The following CLIC5 variants were observed in gnomAD, a reference collection of about 807,000 sequenced individuals.
The protein encoded by CLIC5 is chloride intracellular channel protein 5.
In CLIC5, 20 loss-of-function variants were observed where a neutral mutation model predicts 24.7. That is an observed-to-expected ratio of 0.81 (90% CI 0.57 to 1.18). The LOEUF is 1.18. CLIC5 is among the 50% of genes most tolerant of loss of function. The pLI is 0.00. For synonymous variants in CLIC5, 159 were observed against 135.6 expected (o/e 1.17, Z -1.20); for missense variants, 341 against 326.1 (o/e 1.05, Z -0.35).
chr6:46,038,086 C>A (rs528956768), intron 1 of CLIC5, among the ~76,000 whole-genome samples: 133 of 152,144 alleles, frequency 8.7e-4, no homozygotes, highest in Non-Finnish European at 1.6e-3. Context: ...TTGGCCCAGT[C>A]CCTCTGGTAG....
chr6:46,010,524 A>G (rs1413294774), intron 1 of CLIC5, among the ~76,000 whole-genome samples: 2 of 152,174 alleles, frequency 1.3e-5, no homozygotes, highest in African/African-American at 2.4e-5. Context: ...CTCAAAGGGA[A>G]CCAAGAATGA....
At chr6:45,927,831 ACTT>A (rs569955443) in intron 4 of CLIC5, among the ~76,000 whole-genome samples, 181 of 152,134 alleles carry the variant, frequency 1.2e-3, no homozygotes, top group Non-Finnish European at 1.8e-3. Flanking sequence ...ATGTTAATAA[ACTT>A]CTGCTTGTTT....
chr6:45,912,118 A>C, intron 5 of CLIC5: 1 of 986,390 alleles, frequency 1.0e-6, no homozygotes, highest in South Asian at 4.7e-5. Flanking sequence ...ATATGAAAAC[A>C]GTTAGCTCCC....
At chr6:46,127,929 C>T in the CLIC5 span, among the ~76,000 whole-genome samples, 505 of 152,226 alleles carry the variant, frequency 3.3e-3, 4 homozygotes, top group Non-Finnish European at 5.8e-3. Flanking sequence ...TTATATTTAC[C>T]ACTAAAGGAA....
chr6:46,071,623 A>G (rs757065328), intron 1 of CLIC5, among the ~76,000 whole-genome samples: 29 of 152,190 alleles, frequency 1.9e-4, no homozygotes, highest in Non-Finnish European at 3.8e-4. Context: ...GACCACTTAT[A>G]CACTGTTGAT....
upstream of CLIC5, among the ~76,000 whole-genome samples, chr6:46,018,492 A>G (rs1767083706): frequency 2.0e-5 from 3 of 151,960 alleles, no homozygotes; most frequent in Non-Finnish European, 4.4e-5. Flanking sequence ...TTCATGCTGC[A>G]AAAAAAATAA....
chr6:45,934,902 A>C (rs1411177743), intron 4 of CLIC5, among the ~76,000 whole-genome samples: 1 of 152,262 alleles, frequency 6.6e-6, no homozygotes, highest in Non-Finnish European at 1.5e-5. Flanking sequence ...AAAATAGAGC[A>C]TTCAAGATGC....
intron 4 of CLIC5, chr6:45,919,215 G>A: frequency 1.7e-6 from 1 of 605,070 alleles, no homozygotes; most frequent in Non-Finnish European, 2.1e-6. Context: ...GCCCCTCCTT[G>A]CTCTCCTTCC....
At chr6:45,919,161 AT>A (rs1359795206) in intron 4 of CLIC5, 1 of 943,466 alleles carries the variant, frequency 1.1e-6, no homozygotes, top group Non-Finnish European at 1.3e-6. Context: ...CCCCTAGAGA[AT>A]TCTGTCTCTT....
Position 45,899,759 on chromosome 6 carries a change from T to C in CLIC5, c.*3329A>G, listed in dbSNP as rs1373711979. 6.6e-6 allele frequency: 1 copy of C among 152,258 alleles called. No individual in the cohort carries two copies. Among genetic ancestry groups the C allele is most frequent in the African/African-American group, 2.4e-5 (1 of 41,456 alleles). The allele number at this position is 152,258 out of a possible 1,614,324, so 9.4% of individuals were successfully genotyped here. On this transcript the variant is annotated 3_prime_UTR_variant, in exon 6 of 6. Transcript: ENST00000339561. ...AAAGTCAGCCTGGGAAAACTCGCAC[T>C]TGGTGTGGCCTTTTTCTGATAAGAT...
Position 45,949,222 on chromosome 6 carries a change from C to G in CLIC5, c.299+34G>C, listed in dbSNP as rs190785265. 1,944 of 1,602,572 alleles carry G rather than the reference C, an allele frequency of 1.2e-3. 2 individuals are homozygous for G. Among genetic ancestry groups the G allele is most frequent in the Non-Finnish European group, 1.5e-3 (1,756 of 1,174,086 alleles). On this transcript the variant is annotated intron_variant, in intron 3 of 5. Coordinates refer to ENST00000339561, the MANE Select transcript of CLIC5 (RefSeq NM_016929.5). ...TTATAGATCCAGCATGAACCCTTCCCATTCAACAGCCCCAGAAAGAAACAG... is the reference window on the plus strand; with the variant it reads ...TTATAGATCCAGCATGAACCCTTCCGATTCAACAGCCCCAGAAAGAAACAG...
chr6:46,122,898 T>A, the CLIC5 span: 1 of 152,072 alleles, frequency 6.6e-6, no homozygotes, highest in Non-Finnish European at 1.5e-5. Flanking sequence ...TTGAATCTCT[T>A]AATAGACCAA....
chr6:45,985,517 C>A (rs977528216), intron 1 of CLIC5, among the ~76,000 whole-genome samples: 2 of 152,122 alleles, frequency 1.3e-5, no homozygotes, highest in African/African-American at 2.4e-5. Context: ...CCTTTCTTAG[C>A]AGCTGGGTTG....
At chr6:46,108,646 C>A in the CLIC5 span, among the ~76,000 whole-genome samples, 1 of 152,106 alleles carries the variant, frequency 6.6e-6, no homozygotes, top group South Asian at 2.1e-4. Context: ...GATCTACCAG[C>A]CTTGACCTCC....
chr6:45,975,746 G>A (rs2127408579), intron 1 of CLIC5, among the ~76,000 whole-genome samples: 1 of 152,272 alleles, frequency 6.6e-6, no homozygotes, highest in Admixed American at 6.5e-5. Flanking sequence ...TACAACTTGA[G>A]CCAAGTTAGC....
At chr6:45,934,357 A>AG (rs1763855160) in intron 4 of CLIC5, 1 of 152,144 alleles carries the variant, frequency 6.6e-6, no homozygotes, top group African/African-American at 2.4e-5. Context: ...TATAAATTTT[A>AG]AAATAGAAAG....
intron 4 of CLIC5, among the ~76,000 whole-genome samples, chr6:45,934,647 A>G (rs549125855): frequency 2.0e-5 from 3 of 152,376 alleles, no homozygotes; most frequent in Admixed American, 2.0e-4. Flanking sequence ...AGGAGGTTGG[A>G]TGGAAGGTGG....
chr6:46,078,253 G>A (rs756661637), intron 1 of CLIC5, among the ~76,000 whole-genome samples: 3 of 152,042 alleles, frequency 2.0e-5, no homozygotes, highest in African/African-American at 7.2e-5. Context: ...CCAGCTACTC[G>A]GGAGGCTGAA....
At chr6:45,949,190 CAGG>C in intron 3 of CLIC5, 63 bp downstream of exon 3, 1 of 1,549,476 alleles carries the variant, frequency 6.5e-7, no homozygotes. Flanking sequence ...AAGTTAACAC[CAGG>C]ACTTTATAGA....
Sources: allele counts gnomAD v4.1 joint callset (sites outside exome capture counted in the v4.1 genomes callset), GRCh38; gene constraint gnomAD v4.1.1; transcripts MANE v1.5; gene names NCBI Gene and HGNC (gene_info 2026-07-23, HGNC 2026-07-21).